LSR: variants seen among roughly 807,000 people sequenced by gnomAD.
The protein encoded by LSR is lipolysis-stimulated lipoprotein receptor.
A neutral mutation model predicts 61.8 loss-of-function variants in LSR; 44 were observed. That is an observed-to-expected ratio of 0.71 (90% CI 0.56 to 0.91). LSR has a LOEUF of 0.91. LSR is among the 40% of genes least tolerant of loss of function. LSR has a pLI of 0.00. For missense variants in LSR, 911 were observed against 830.5 expected (o/e 1.10, Z -1.19); for synonymous variants, 397 against 350.6 (o/e 1.13, Z -1.48).
intron 5 of LSR, chr19:35,264,048 C>T (rs2005927): frequency 0.11 from 16,665 of 152,074 alleles, 1,078 homozygotes; most frequent in Admixed American, 0.18. Flanking sequence ...TCAGGCAGTC[C>T]GCTCCCCCGC....
At position 35,267,261 on chromosome 19, in the gene LSR, G is replaced by A; in HGVS notation, c.1297G>A (p.Gly433Ser). ...WDQEPAREQA[G>S]GGWRARRPRA... is the part of the protein sequence containing the mutation. Reference sequence around the variant, plus strand: ...CCAGGAGCCCGCCAGGGAGCAGGCAGGCGGGGGCTGGCGGGCCAGGCGGCC... The same window carrying A: ...CCAGGAGCCCGCCAGGGAGCAGGCAAGCGGGGGCTGGCGGGCCAGGCGGCC... Residue 433 changes from glycine to serine, a missense_variant, in exon 9 of 10, where the codon GGC becomes AGC. By Grantham distance (56) the Gly-to-Ser change is moderately conservative. Coordinates refer to ENST00000605618, the MANE Select transcript of LSR (RefSeq NM_205834.4). 6.6e-7 allele frequency: 1 copy of A among 1,515,786 alleles called. No homozygotes were observed. Among genetic ancestry groups the A allele is most frequent in the South Asian group, 1.3e-5 (1 of 77,382 alleles). 93.9% of individuals were successfully genotyped at this position (1,515,786 alleles called of 1,614,324 possible).
At chr19:35,258,318 T>C (rs1599597355) in intron 2 of LSR, among the ~76,000 whole-genome samples, 1 of 152,044 alleles carries the variant, frequency 6.6e-6, no homozygotes, top group Admixed American at 6.6e-5. Context: ...TGGTGGCAGG[T>C]GCCTATAATC....
chr19:35,250,548 T>A lies in LSR; in HGVS notation c.343T>A (p.Tyr115Asn). 8 of 1,614,012 alleles carry A rather than the reference T, an allele frequency of 5.0e-6. No homozygotes were observed. The highest frequency in any genetic ancestry group is 6.8e-6 in the Non-Finnish European group (8 of 1,179,974). ...LAAGNPGYNP[Y>N]VECQDSVRTV... is the part of the protein sequence containing the mutation. ...AGCCGGGAACCCAGGCTACAACCCCTACGTTGAGTGCCAGGACAGCGTGCG... is the reference window on the plus strand; with the variant it reads ...AGCCGGGAACCCAGGCTACAACCCCAACGTTGAGTGCCAGGACAGCGTGCG... The change falls in exon 2 of 10, where the codon TAC (tyrosine) becomes AAC (asparagine). Residue 115 changes from tyrosine (Y) to asparagine (N), a missense_variant. Tyr to Asn is a moderately radical substitution (Grantham distance 143, BLOSUM62 -2). Transcript: ENST00000605618.
chr19:35,262,111 A>G (rs1599602976), intron 4 of LSR, 130 bp downstream of exon 4: 2 of 875,582 alleles, frequency 2.3e-6, no homozygotes, highest in Non-Finnish European at 3.5e-6. Flanking sequence ...ACCTGGCCTG[A>G]CTGTGGCTCT....
chr19:35,255,466 T>G (rs2065844837), intron 2 of LSR, among the ~76,000 whole-genome samples: 1 of 150,378 alleles, frequency 6.6e-6, no homozygotes, highest in African/African-American at 2.4e-5. Flanking sequence ...CAATAAACGG[T>G]GGGGGCTAGG....
rs1045972045 is a variant in LSR at position 35,267,949 on chromosome 19, A to C, written c.*90A>C. 1 of 1,460,872 alleles carries C rather than the reference A, an allele frequency of 6.8e-7. No homozygotes were observed. Among genetic ancestry groups the C allele is most frequent in the Non-Finnish European group, 9.5e-7 (1 of 1,048,304 alleles). 90.5% of individuals were successfully genotyped at this position (1,460,872 alleles called of 1,614,324 possible). On this transcript the variant is annotated 3_prime_UTR_variant, in exon 10 of 10. Coordinates refer to ENST00000605618, the MANE Select transcript of LSR (RefSeq NM_205834.4). The stretch of plus-strand genomic sequence containing the variant: ...TGCCATACCCCTCCCGAGTCTAATA[A>C]AACGTATAATCACAAGCTCTGGAGA...
Position 35,266,910 on chromosome 19 carries a change from G to A in LSR, c.1087G>A (p.Glu363Lys), listed in dbSNP as rs1018030770. 6.2e-6 allele frequency: 10 copies of A among 1,613,884 alleles called. No homozygotes were observed. Among genetic ancestry groups the A allele is most frequent in the Non-Finnish European group, 8.5e-6 (10 of 1,179,928 alleles). The part of the protein sequence containing the change: ...SMRVLYYMEK[E>K]LANFDPSRPG... ...GCGGGTCCTGTACTACATGGAGAAG[G>A]AGCTGGCCAACTTCGACCCTTCTCG... The change falls in exon 8 of 10, where the codon GAG becomes AAG. Residue 363 changes from glutamate to lysine, a missense_variant. Glu to Lys is a moderately conservative substitution (Grantham distance 56). Transcript: ENST00000605618.
intron 3 of LSR, among the ~76,000 whole-genome samples, chr19:35,260,496 T>C (rs971126040): frequency 1.3e-5 from 2 of 151,906 alleles, no homozygotes; most frequent in Non-Finnish European, 2.9e-5. Context: ...GGTTTCACCA[T>C]GTTAGCCAGG....
rs2073899 is a variant in LSR, at chr19:35,262,014, G to C, written c.631+33G>C. The stretch of plus-strand genomic sequence containing the variant: ...GGGTGGATCCTGAGTTGGGCTTCTC[G>C]GGAGCTCCCATACATCACCTACTGC... On this transcript the variant is annotated intron_variant, in intron 4 of 9. Transcript: ENST00000605618. The C allele has an allele frequency of 3.3e-6, 5 of 1,516,230 alleles. No individual in the cohort carries two copies. The East Asian group carries it at 1.0e-4, about 32-fold the overall frequency. The allele number at this position is 1,516,230 out of a possible 1,614,324, so 93.9% of individuals were successfully genotyped here.
In LSR at chr19:35,266,539, C is replaced by A; in HGVS notation, c.952+7C>A. ...GTTGACAGGAGTAGCTCAGGTGAGG[C>A]CGGGGGAAGCAGGAACAGCTGGTGG... On this transcript the variant is annotated splice_region_variant and intron_variant, in intron 6 of 9. Coordinates refer to ENST00000605618, the MANE Select transcript of LSR (RefSeq NM_205834.4). 6.3e-7 allele frequency: 1 copy of A among 1,598,370 alleles called. No individual in the cohort carries two copies. The highest frequency in any genetic ancestry group is 8.5e-7 in the Non-Finnish European group (1 of 1,169,984).
chr19:35,261,899 A>C (rs1401805643), intron 3 of LSR, 26 bp from the exon 4 acceptor site: 1 of 1,425,614 alleles, frequency 7.0e-7, no homozygotes, highest in Non-Finnish European at 9.2e-7. Flanking sequence ...TGGCCAGCAT[A>C]ATCTGTTTCT....
At position 35,267,328 on chromosome 19, in the gene LSR, C is replaced by T. The variant is rs776650172; in HGVS notation, c.1364C>T (p.Pro455Leu). The change falls in exon 9 of 10, where the codon CCG becomes CTG. Residue 455 changes from proline to leucine, a missense_variant. Pro to Leu is a moderately conservative substitution (Grantham distance 98). Coordinates refer to ENST00000605618, the MANE Select transcript of LSR (RefSeq NM_205834.4). ...GACGCCCTGGACGACCTCACCCCGC[C>T]GAGCACCGCCGAGTCAGGGAGCAGG... Reference protein sequence around the residue: ...SVDALDDLTPPSTAESGSRSP... With the variant: ...SVDALDDLTPLSTAESGSRSP... The T allele has an allele frequency of 8.9e-6, 14 of 1,564,658 alleles. No homozygotes were observed. The highest frequency in any genetic ancestry group is 1.7e-4 in the Middle Eastern group (1 of 5,816).
Position 35,259,007 on chromosome 19 carries a change from G to A in LSR, c.517G>A (p.Val173Ile), listed in dbSNP as rs757640672. Reference protein sequence around the residue: ...GDSGVYYCSVVSAQDLQGNNE... With the variant: ...GDSGVYYCSVISAQDLQGNNE... The stretch of plus-strand genomic sequence containing the variant: ...CAGTGGTGTGTATTACTGCTCCGTG[G>A]TCTCAGCCCAGGACCTCCAGGGGAA... Residue 173 changes from valine (V) to isoleucine (I), a missense_variant, in exon 3 of 10, where the codon GTC (valine) becomes ATC (isoleucine). By Grantham distance (29) the Val-to-Ile change is conservative (BLOSUM62 3). Transcript: ENST00000605618. 6.2e-7 allele frequency: 1 copy of A among 1,614,088 alleles called. No individual in the cohort carries two copies. The highest frequency in any genetic ancestry group is 1.3e-5 in the African/African-American group (1 of 75,014).
intron 2 of LSR, among the ~76,000 whole-genome samples, chr19:35,251,093 C>A (rs1429307363): frequency 6.6e-6 from 1 of 152,080 alleles, no homozygotes. Flanking sequence ...CTAAAGGGAG[C>A]GATTCTATTC....
intron 5 of LSR, chr19:35,264,830 G>A (rs1188387403): frequency 6.6e-6 from 1 of 152,162 alleles, no homozygotes; most frequent in African/African-American, 2.4e-5. Flanking sequence ...CATTGAGCAT[G>A]GGGCCCAACC....
At position 35,250,302 on chromosome 19, in the gene LSR, C is replaced by T. The variant is rs1037903700; in HGVS notation, c.110-13C>T. Reference sequence around the variant, plus strand: ...CTCACAGCAACCCTTGCTGTCTCTCCTCTTGCCCTCAGCTCCTGCCAGGGC... The same window carrying T: ...CTCACAGCAACCCTTGCTGTCTCTCTTCTTGCCCTCAGCTCCTGCCAGGGC... On this transcript the variant is annotated splice_polypyrimidine_tract_variant and intron_variant, in intron 1 of 9. Transcript: ENST00000605618. The T allele has an allele frequency of 9.9e-6, 15 of 1,519,026 alleles. No individual in the cohort carries two copies. Among genetic ancestry groups the T allele is most frequent in the African/African-American group, 4.1e-5 (3 of 72,548 alleles). The allele number at this position is 1,519,026 out of a possible 1,614,324, so 94.1% of individuals were successfully genotyped here.
At chr19:35,262,498 C>T (rs2065943415) in intron 4 of LSR, 48 bp from the exon 5 acceptor site, 2 of 1,611,266 alleles carry the variant, frequency 1.2e-6, no homozygotes, top group Admixed American at 1.7e-5. Context: ...GCCGTTAGCC[C>T]TGTTCCCTCC....
In LSR at chr19:35,267,920, G is replaced by T; in HGVS notation, c.*61G>T. The T allele has an allele frequency of 1.9e-6, 3 of 1,558,938 alleles. No homozygotes were observed. The highest frequency in any genetic ancestry group is 3.4e-5 in the Admixed American group (2 of 59,464). On this transcript the variant is annotated 3_prime_UTR_variant, in exon 10 of 10. Coordinates refer to ENST00000605618, the MANE Select transcript of LSR (RefSeq NM_205834.4). The stretch of plus-strand genomic sequence containing the variant: ...TTTAATTTGAAGGAACACTGATGAA[G>T]CCCTGCCATACCCCTCCCGAGTCTA...
chr19:35,262,226 T>C (rs2065939084), intron 4 of LSR, among the ~76,000 whole-genome samples: 1 of 152,036 alleles, frequency 6.6e-6, no homozygotes, highest in Admixed American at 6.5e-5. Context: ...CTCTTGAGGG[T>C]GTGGCGTCTG....
Sources: allele counts gnomAD v4.1 joint callset (sites outside exome capture counted in the v4.1 genomes callset), GRCh38; gene constraint gnomAD v4.1.1; transcripts MANE v1.5; gene names NCBI Gene and HGNC (gene_info 2026-07-23, HGNC 2026-07-21).